The following ACVR1C variants were observed in gnomAD, a reference collection of about 807,000 sequenced individuals.
ACVR1C encodes activin receptor type-1C.
In ACVR1C, 23 loss-of-function variants were observed where a neutral mutation model predicts 57.9. The ratio of observed to expected loss-of-function variants is 0.40; its 90% CI spans 0.29 to 0.56. The LOEUF (loss-of-function observed/expected upper bound fraction) is 0.56. ACVR1C is among the 20% of genes least tolerant of loss of function. The probability of loss-of-function intolerance (pLI) is 0.50; values close to 1 mark genes in which losing one functional copy is unlikely to be tolerated. For synonymous variants in ACVR1C, 214 were observed against 215.3 expected, an observed-to-expected ratio of 0.99 and a Z score of 0.05; for missense variants, 480 against 607.9, an observed-to-expected ratio of 0.79 and a Z score of 2.21.
chr2:157,600,913 G>T (rs911826385), intron 1 of ACVR1C, among the ~76,000 whole-genome samples: 14 of 152,150 alleles, frequency 9.2e-5, no homozygotes, highest in African/African-American at 3.4e-4. Flanking sequence ...TCCCTTCAAA[G>T]AATATGGGTG....
chr2:157,544,185 T>C (rs997751496), intron 5 of ACVR1C, among the ~76,000 whole-genome samples: 20 of 150,492 alleles, frequency 1.3e-4, no homozygotes, highest in Non-Finnish European at 2.7e-4. Context: ...ACTAAAGGCA[T>C]GTGCCACCAC....
intron 3 of ACVR1C, among the ~76,000 whole-genome samples, chr2:157,553,983 G>A (rs1028840639): frequency 2.0e-5 from 3 of 151,722 alleles, no homozygotes; most frequent in Admixed American, 6.6e-5. Flanking sequence ...AGGAGTTTGA[G>A]ACCAGCCTGG....
rs555947288 is a variant in ACVR1C at position 157,549,794 on chromosome 2, G to A, written c.775+368C>T. On this transcript the variant is annotated intron_variant, in intron 4 of 8. Transcript: ENST00000243349. ...AGGTCAGGAGATCAAGACCATCCTG[G>A]CTAACACGGTGAAACCCCGTCTCTA... is the stretch of plus-strand genomic sequence containing the variant. Among the ~76,000 whole-genome samples, 10 of 144,002 alleles carry A rather than the reference G, an allele frequency of 6.9e-5. 1 individual carries two copies. The South Asian group carries it at 1.7e-3, about 25-fold the overall frequency. The allele number at this position is 144,002 out of a possible 152,430, so 94.5% of individuals were successfully genotyped here.
chr2:157,607,015 C>T (rs1486096001), intron 1 of ACVR1C, among the ~76,000 whole-genome samples: 1 of 151,812 alleles, frequency 6.6e-6, no homozygotes, highest in East Asian at 1.9e-4. Flanking sequence ...GGTCCAGTTT[C>T]ATTCTTCTGC....
At chr2:157,596,474 C>T (rs1682119691) in intron 1 of ACVR1C, among the ~76,000 whole-genome samples, 1 of 152,094 alleles carries the variant, frequency 6.6e-6, no homozygotes, top group African/African-American at 2.4e-5. Context: ...AATATTACTC[C>T]GTGGAGTTTT....
intron 2 of ACVR1C, among the ~76,000 whole-genome samples, chr2:157,582,031 C>T (rs944263213): frequency 3.0e-4 from 46 of 152,300 alleles, no homozygotes; most frequent in Non-Finnish European, 5.9e-5. Context: ...AAAAGGTTTG[C>T]ATCTGGCCAG....
At position 157,548,566 on chromosome 2, in the gene ACVR1C, G is replaced by T. The variant is rs543872734; in HGVS notation, c.775+1596C>A. Among the ~76,000 whole-genome samples, 4 of 151,194 alleles carry T rather than the reference G, an allele frequency of 2.6e-5. No homozygotes were observed. The East Asian group carries it at 7.8e-4, about 29-fold the overall frequency. Reference sequence around the variant, plus strand: ...ACAGTAACCAAAACAGCATGGTACTGGTACCAAAACAGAGATATAGATCAA... The same window carrying T: ...ACAGTAACCAAAACAGCATGGTACTTGTACCAAAACAGAGATATAGATCAA... On this transcript the variant is annotated intron_variant, in intron 4 of 8. Transcript: ENST00000243349.
chr2:157,534,023 T>C lies in ACVR1C; in HGVS notation c.1377A>G (p.Arg459=), dbSNP rs762774454. 2 of 1,579,382 alleles carry C rather than the reference T, an allele frequency of 1.3e-6. No individual in the cohort carries two copies. The highest frequency in any genetic ancestry group is 2.4e-5 in the South Asian group (2 of 84,690). ...TGGCATACCAACACTCACGCATTAT[T>C]CTCCCCATGACTCGGAGTGCCTTTA... ...QSCEALRVMG[R]IMRECWYANG... The change falls in exon 9 of 9, where the codon AGA becomes AGG. Residue 459 remains arginine (R), a synonymous_variant. Coordinates refer to ENST00000243349, the MANE Select transcript of ACVR1C (RefSeq NM_145259.3).
intron 4 of ACVR1C, among the ~76,000 whole-genome samples, chr2:157,545,920 A>G (rs112088414): frequency 0.016 from 2,483 of 152,108 alleles, 68 homozygotes; most frequent in African/African-American, 0.056. Context: ...GATTACAGGC[A>G]TCTGCCACCA....
In ACVR1C at chr2:157,541,072, A is replaced by C. The variant is rs766653092; in HGVS notation, c.1225+18T>G. 1 of 1,609,228 alleles carries C rather than the reference A, an allele frequency of 6.2e-7. No individual in the cohort carries two copies. On this transcript the variant is annotated intron_variant, in intron 7 of 8. Coordinates refer to ENST00000243349, the MANE Select transcript of ACVR1C (RefSeq NM_145259.3). ...TATCAAGGAAAGGCAAACACAAAGG[A>C]TATTTCCAAAATTTTACCTCCGACT...
chr2:157,545,662 T>C (rs900408519), intron 4 of ACVR1C, among the ~76,000 whole-genome samples: 12 of 152,164 alleles, frequency 7.9e-5, no homozygotes, highest in Admixed American at 2.0e-4. Context: ...TTTGGAATCA[T>C]GCAAAAAGCC....
At chr2:157,585,954 A>G (rs184337055) in intron 2 of ACVR1C, among the ~76,000 whole-genome samples, 4 of 152,318 alleles carry the variant, frequency 2.6e-5, no homozygotes, top group Non-Finnish European at 5.9e-5. Flanking sequence ...GTGCTGGTAC[A>G]TGGAATTACT....
At chr2:157,613,375 T>G (rs189113810) in intron 1 of ACVR1C, among the ~76,000 whole-genome samples, 1 of 152,364 alleles carries the variant, frequency 6.6e-6, no homozygotes. Context: ...TACCTAATGC[T>G]ATATAAATAG....
At chr2:157,540,499 G>A (rs919608067) in intron 7 of ACVR1C, among the ~76,000 whole-genome samples, 2 of 151,986 alleles carry the variant, frequency 1.3e-5, no homozygotes, top group Non-Finnish European at 2.9e-5. Context: ...GTTTCTCCAC[G>A]TTGGTCAGGC....
At chr2:157,628,466 G>A (rs1447494749) in intron 1 of ACVR1C, 106 bp downstream of exon 1, 1 of 1,301,724 alleles carries the variant, frequency 7.7e-7, no homozygotes, top group African/African-American at 1.5e-5. Flanking sequence ...CCGCCCCGAA[G>A]GTCAGTTTGC....
chr2:157,540,392 C>T (rs1304308841), intron 7 of ACVR1C, among the ~76,000 whole-genome samples: 4 of 151,618 alleles, frequency 2.6e-5, no homozygotes, highest in Non-Finnish European at 4.4e-5. Flanking sequence ...CAGAGTTTCG[C>T]TCTTGTTGCC....
intron 1 of ACVR1C, among the ~76,000 whole-genome samples, chr2:157,600,791 G>A (rs190244887): frequency 1.5e-3 from 229 of 152,134 alleles, no homozygotes; most frequent in African/African-American, 5.2e-3. Context: ...TATTAAGGCC[G>A]ATCCTAGCTG....
At chr2:157,572,848 T>A (rs957639132) in intron 2 of ACVR1C, among the ~76,000 whole-genome samples, 2 of 152,102 alleles carry the variant, frequency 1.3e-5, no homozygotes, top group African/African-American at 4.8e-5. Flanking sequence ...GGCACACCTG[T>A]CAGGTGTGCC....
chr2:157,554,193 AAAG>A (rs1268029877), intron 3 of ACVR1C, among the ~76,000 whole-genome samples: 15 of 140,198 alleles, frequency 1.1e-4, no homozygotes, highest in South Asian at 9.0e-4. Flanking sequence ...AAAAAAAAAT[AAAG>A]AAGAGAGAAA....
Sources: gnomAD v4.1 joint callset for allele counts (sites outside exome capture counted in the v4.1 genomes callset) on GRCh38, gnomAD v4.1.1 for gene constraint, MANE v1.5 for transcripts, NCBI Gene and HGNC (gene_info 2026-07-23, HGNC 2026-07-21) for gene names.